Variants in EML5 observed in about 807,000 individuals in gnomAD.
EML5 encodes echinoderm microtubule-associated protein-like 5.
A neutral mutation model predicts 250.0 loss-of-function variants in EML5; 120 were observed. The observed-to-expected ratio is 0.48, with a 90% CI of 0.41 to 0.56. The LOEUF is 0.56. Among genes scored for constraint, EML5 ranks in the 20% least tolerant of loss-of-function variants. The probability of loss-of-function intolerance (pLI) is 0.00; values close to 1 mark genes in which losing one functional copy is unlikely to be tolerated. For synonymous variants in EML5, 771 were observed against 806.5 expected (o/e 0.96, Z 0.75); for missense variants, 2,006 against 2,437.6 (o/e 0.82, Z 3.73).
In EML5 at chr14:88,644,516, A is replaced by G. The variant is rs373281975; in HGVS notation, c.4029-5T>C. 5 of 1,613,452 alleles carry G rather than the reference A, an allele frequency of 3.1e-6. No individual in the cohort carries two copies. In the African/African-American group the frequency reaches 6.7e-5, roughly 22 times the overall value. The stretch of plus-strand genomic sequence containing the variant: ...GGGGCCCTGCTCACTGGAGGCCTGC[A>G]ACAGAGAAGTGGGGAGGAGGAAAGG... On this transcript the variant is annotated splice_region_variant and splice_polypyrimidine_tract_variant and intron_variant, in intron 29 of 43. Coordinates refer to ENST00000554922, the MANE Select transcript of EML5 (RefSeq NM_183387.3).
Position 88,746,270 on chromosome 14 carries a change from A to C in EML5, c.371T>G (p.Val124Gly). Reference sequence around the variant, plus strand: ...AACTGCATTCTTTGAATCAAGTCCAACTGAAACCAAGCGCTGATTTATGTC... The same window carrying C: ...AACTGCATTCTTTGAATCAAGTCCACCTGAAACCAAGCGCTGATTTATGTC... Reference protein sequence around the residue: ...FDLDGQRLVSVGLDSKNAVCV... With the variant: ...FDLDGQRLVSGGLDSKNAVCV... The change falls in exon 3 of 44, where the codon GTT becomes GGT. Residue 124 changes from valine to glycine, a missense_variant. Val to Gly is a moderately radical substitution (Grantham distance 109). Coordinates refer to ENST00000554922, the MANE Select transcript of EML5 (RefSeq NM_183387.3). 1 of 1,613,188 alleles carries C rather than the reference A, an allele frequency of 6.2e-7. No individual in the cohort carries two copies. The highest frequency in any genetic ancestry group is 1.1e-5 in the South Asian group (1 of 90,966).
intron 1 of EML5, among the ~76,000 whole-genome samples, chr14:88,775,425 C>T (rs933264689): frequency 7.2e-5 from 11 of 152,304 alleles, no homozygotes; most frequent in Admixed American, 1.3e-4. Context: ...GCATTCACCA[C>T]AAGCTGACTT....
intron 1 of EML5, among the ~76,000 whole-genome samples, chr14:88,780,433 T>G (rs926058276): frequency 2.6e-5 from 4 of 152,152 alleles, no homozygotes; most frequent in African/African-American, 9.7e-5. Flanking sequence ...CAAAGGACAC[T>G]TTATCAGTCA....
At chr14:88,714,906 A>G (rs749099717) in intron 9 of EML5, 33 bp downstream of exon 9, 3 of 1,592,702 alleles carry the variant, frequency 1.9e-6, no homozygotes, top group East Asian at 4.5e-5. Flanking sequence ...TTGTATAGGT[A>G]CTACAAATCT....
At chr14:88,616,412 G>C (rs574123874) in intron 42 of EML5, 170 bp from the exon 43 acceptor site, 1 of 671,716 alleles carries the variant, frequency 1.5e-6, no homozygotes, top group Admixed American at 2.8e-5. Flanking sequence ...GCAAAACCAG[G>C]CTGTGTGGGC....
chr14:88,617,697 G>C (rs1000089220), intron 41 of EML5: 1 of 152,258 alleles, frequency 6.6e-6, no homozygotes, highest in African/African-American at 2.4e-5. Flanking sequence ...AAACTTCTAG[G>C]CTCAAGTGAT....
Position 88,714,947 on chromosome 14 carries a change from C to T in EML5, c.1436G>A (p.Arg479Lys), listed in dbSNP as rs766153193. ...TTGCTAGAAATTGTTACCTGGCATT[C>T]TATAAAAAAGTCTTTTCCCATTTCC... is the stretch of plus-strand genomic sequence containing the variant. ...NDGNGKRLFY[R>K]MPGGKEVTST... The change falls in exon 9 of 44, where the codon AGA (arginine) becomes AAA (lysine). Residue 479 changes from arginine (R) to lysine (K), a missense_variant. By Grantham distance (26) the Arg-to-Lys change is conservative. Around this residue, in one of 7 missense-constraint regions of EML5, gnomAD observed 1,375 missense variants for 1,590.3 expected, o/e 0.86. Coordinates refer to ENST00000554922, the MANE Select transcript of EML5 (RefSeq NM_183387.3). The T allele has an allele frequency of 2.5e-6, 4 of 1,611,044 alleles. No homozygotes were observed. Among genetic ancestry groups the T allele is most frequent in the Non-Finnish European group, 3.4e-6 (4 of 1,178,506 alleles).
intron 1 of EML5, among the ~76,000 whole-genome samples, chr14:88,790,373 A>G (rs1188319632): frequency 2.0e-5 from 3 of 152,240 alleles, no homozygotes; most frequent in Non-Finnish European, 4.4e-5. Flanking sequence ...GTTGTTTTGT[A>G]TAAGTTGTGC....
chr14:88,673,648 G>C (rs1266355805), intron 21 of EML5, among the ~76,000 whole-genome samples: 1 of 152,170 alleles, frequency 6.6e-6, no homozygotes, highest in Admixed American at 6.6e-5. Flanking sequence ...CAGCCCAAAA[G>C]CTTCTTAAGC....
chr14:88,670,014 T>G (rs1432065923), intron 21 of EML5, among the ~76,000 whole-genome samples: 1 of 152,000 alleles, frequency 6.6e-6, no homozygotes, highest in Non-Finnish European at 1.5e-5. Flanking sequence ...AAGAGGGGTC[T>G]GACTGTTAAA....
rs548144948 is a variant in EML5 at position 88,617,338 on chromosome 14, G to T, written c.5643-459C>A. 2.0e-5 allele frequency: 3 copies of T among 153,702 alleles called. No homozygotes were observed. In the South Asian group the frequency reaches 6.1e-4, roughly 31 times the overall value. The allele number at this position is 153,702 out of a possible 1,614,324, so 9.5% of individuals were successfully genotyped here. On this transcript the variant is annotated intron_variant, in intron 41 of 43. Transcript: ENST00000554922. Reference sequence around the variant, plus strand: ...TATTTTGTATTTTTAGTAGAGACAGGGTTTCTCCATGTTGGTCAGGCTAGT... The same window carrying T: ...TATTTTGTATTTTTAGTAGAGACAGTGTTTCTCCATGTTGGTCAGGCTAGT...
intron 33 of EML5, among the ~76,000 whole-genome samples, chr14:88,631,128 C>T (rs892354640): frequency 3.9e-5 from 6 of 152,104 alleles, no homozygotes; most frequent in African/African-American, 1.4e-4. Context: ...GAGGTGCAGT[C>T]TTAGGAGGGC....
At chr14:88,627,591 C>G (rs2090100503) in intron 34 of EML5, 55 bp downstream of exon 34, 2 of 1,510,636 alleles carry the variant, frequency 1.3e-6, no homozygotes, top group Non-Finnish European at 8.9e-7. Flanking sequence ...TACAGAATTC[C>G]TACTACCTTT....
At chr14:88,734,188 C>T (rs2093804183) in intron 7 of EML5, among the ~76,000 whole-genome samples, 1 of 152,054 alleles carries the variant, frequency 6.6e-6, no homozygotes, top group Non-Finnish European at 1.5e-5. Flanking sequence ...TAGGGAACCA[C>T]CTAACTTTTA....
chr14:88,750,155 G>C (rs1051874265), intron 2 of EML5, among the ~76,000 whole-genome samples: 1 of 152,112 alleles, frequency 6.6e-6, no homozygotes, highest in African/African-American at 2.4e-5. Context: ...ATCAAATGGT[G>C]GTTTGGAGCA....
At chr14:88,684,933 T>C in intron 20 of EML5, 82 bp downstream of exon 20, 1 of 1,216,556 alleles carries the variant, frequency 8.2e-7, no homozygotes, top group Non-Finnish European at 1.1e-6. Flanking sequence ...TTATTTTTCA[T>C]CACTGTCAAC....
At chr14:88,695,080 A>G (rs2093046273) in intron 16 of EML5, among the ~76,000 whole-genome samples, 1 of 152,144 alleles carries the variant, frequency 6.6e-6, no homozygotes, top group Non-Finnish European at 1.5e-5. Context: ...ATAATAGCCT[A>G]TCATACAGTA....
At chr14:88,630,752 G>A (rs1309115027) in intron 33 of EML5, among the ~76,000 whole-genome samples, 1 of 152,170 alleles carries the variant, frequency 6.6e-6, no homozygotes, top group Non-Finnish European at 1.5e-5. Flanking sequence ...GCTCTGAAAA[G>A]GATTTTTTTG....
intron 1 of EML5, among the ~76,000 whole-genome samples, chr14:88,767,303 G>A (rs575383283): frequency 7.9e-5 from 12 of 152,246 alleles, no homozygotes; most frequent in East Asian, 1.9e-4. Flanking sequence ...TTCTCAAAGC[G>A]CCTGATATGC....
Sources: gnomAD v4.1 joint callset for allele counts (sites outside exome capture counted in the v4.1 genomes callset) on GRCh38, gnomAD v4.1.1 for gene constraint, gnomAD v4.1.1 regional missense constraint, MANE v1.5 for transcripts, NCBI Gene and HGNC (gene_info 2026-07-23, HGNC 2026-07-21) for gene names.